ANKS1B: variants seen among roughly 807,000 people sequenced by gnomAD.
ANKS1B encodes ankyrin repeat and sterile alpha motif domain containing 1B.
Under a neutral mutation model 148.3 loss-of-function variants are expected in ANKS1B, and 36 were observed. That is an observed-to-expected ratio of 0.24 (90% CI 0.19 to 0.32). The LOEUF (loss-of-function observed/expected upper bound fraction) is 0.32. Among genes scored for constraint, ANKS1B ranks in the 10% least tolerant of loss-of-function variants. The pLI, the probability that ANKS1B is intolerant of heterozygous loss-of-function variation, is 1.00. For synonymous variants in ANKS1B, 542 were observed against 560.8 expected (o/e 0.97, Z 0.47); for missense variants, 1,157 against 1,542.6 (o/e 0.75, Z 4.19).
chr12:99,825,233 G>C, intron 2 of ANKS1B, 76 bp downstream of exon 2: 10 of 1,237,520 alleles, frequency 8.1e-6, no homozygotes, highest in Non-Finnish European at 1.2e-5. Context: ...ACATGAGAAA[G>C]GTATCGTCAA....
intron 1 of ANKS1B, among the ~76,000 whole-genome samples, chr12:99,918,007 T>A (rs1363966983): frequency 6.6e-6 from 1 of 152,336 alleles, no homozygotes; most frequent in African/African-American, 2.4e-5. Context: ...GGGCTCTAGG[T>A]TGCATGCTCC....
chr12:99,593,203 C>T (rs1456999914), intron 9 of ANKS1B, among the ~76,000 whole-genome samples: 1 of 151,924 alleles, frequency 6.6e-6, no homozygotes, highest in African/African-American at 2.4e-5. Context: ...ATTTGGAGTG[C>T]CCTGGCCAAG....
chr12:99,731,413 C>CCTGTGT (rs1237223581), intron 8 of ANKS1B, among the ~76,000 whole-genome samples: 7,731 of 143,776 alleles, frequency 0.054, 266 homozygotes, highest in Non-Finnish European at 0.058. Flanking sequence ...ACCACCGTGC[C>CCTGTGT]GTGTGTGTGT....
chr12:99,394,533 C>A (rs1462091578), intron 12 of ANKS1B, among the ~76,000 whole-genome samples: 2 of 152,012 alleles, frequency 1.3e-5, no homozygotes, highest in Non-Finnish European at 2.9e-5. Flanking sequence ...GACCCCCCCA[C>A]CCCCAATATT....
chr12:99,443,037 A>C (rs761845826), intron 11 of ANKS1B, among the ~76,000 whole-genome samples: 1 of 151,946 alleles, frequency 6.6e-6, no homozygotes, highest in African/African-American at 2.4e-5. Flanking sequence ...GCTTGTCCCA[A>C]TGATATTTCT....
rs528020238 is a variant in ANKS1B at position 99,553,334 on chromosome 12, T to C, written c.1273-48693A>G. ...TATTTTCCTTAAATGAAAGTTGATATTATTCAATGCAGTAACCAAATATCT... is the reference window on the plus strand; with the variant it reads ...TATTTTCCTTAAATGAAAGTTGATACTATTCAATGCAGTAACCAAATATCT... On this transcript the variant is annotated intron_variant, in intron 9 of 26. Coordinates refer to ENST00000683438, the MANE Select transcript of ANKS1B (RefSeq NM_001352186.2). Among the ~76,000 whole-genome samples the C allele has an allele frequency of 2.6e-5, 4 of 152,356 alleles. No homozygotes were observed. The East Asian group carries it at 7.7e-4, about 29-fold the overall frequency.
At chr12:99,577,511 C>T (rs2097530265) in intron 9 of ANKS1B, among the ~76,000 whole-genome samples, 1 of 151,162 alleles carries the variant, frequency 6.6e-6, no homozygotes, top group Admixed American at 6.6e-5. Flanking sequence ...GAGAGAAGAT[C>T]CAAATAAAAA....
intron 7 of ANKS1B, 115 bp downstream of exon 7, chr12:99,775,433 C>T (rs1202837677): frequency 1.8e-6 from 1 of 552,000 alleles, no homozygotes; most frequent in Non-Finnish European, 3.1e-6. Flanking sequence ...GTAACAGGAG[C>T]TCTTATAAAT....
chr12:99,482,019 T>A (rs111321732), intron 10 of ANKS1B, among the ~76,000 whole-genome samples: 5 of 152,008 alleles, frequency 3.3e-5, no homozygotes, highest in African/African-American at 1.2e-4. Flanking sequence ...TTTGCTATGC[T>A]AAAGTGTTTT....
At chr12:99,175,203 C>G (rs1395248473) in intron 14 of ANKS1B, among the ~76,000 whole-genome samples, 1 of 152,174 alleles carries the variant, frequency 6.6e-6, no homozygotes, top group East Asian at 1.9e-4. Flanking sequence ...ATGCTGAATT[C>G]TACTCAAAGC....
chr12:98,885,252 C>T (rs906543625), intron 17 of ANKS1B, among the ~76,000 whole-genome samples: 2 of 152,028 alleles, frequency 1.3e-5, no homozygotes, highest in African/African-American at 4.8e-5. Context: ...CAACAGTAAC[C>T]ACTCAAGGAA....
At chr12:99,750,333 A>G (rs530880410) in intron 8 of ANKS1B, among the ~76,000 whole-genome samples, 11 of 152,220 alleles carry the variant, frequency 7.2e-5, no homozygotes, top group African/African-American at 2.6e-4. Context: ...ATTGCATTGC[A>G]TAAAGGTCTA....
intron 8 of ANKS1B, among the ~76,000 whole-genome samples, chr12:99,692,594 C>T (rs913336306): frequency 1.3e-5 from 2 of 150,666 alleles, no homozygotes; most frequent in African/African-American, 4.9e-5. Context: ...TTGCTTAAAC[C>T]CAGGAGGCAG....
intron 17 of ANKS1B, among the ~76,000 whole-genome samples, chr12:98,934,775 G>C (rs2099816908): frequency 6.6e-6 from 1 of 151,438 alleles, no homozygotes; most frequent in African/African-American, 2.4e-5. Flanking sequence ...TTCATTGTTA[G>C]TGTATAGAAA....
At chr12:99,087,105 C>T (rs1424145403) in intron 15 of ANKS1B, among the ~76,000 whole-genome samples, 1 of 152,204 alleles carries the variant, frequency 6.6e-6, no homozygotes, top group Non-Finnish European at 1.5e-5. Flanking sequence ...AAATTCAAGG[C>T]TTGGGCAGTG....
chr12:98,919,876 AG>A (rs1363068314), intron 17 of ANKS1B, among the ~76,000 whole-genome samples: 2 of 152,194 alleles, frequency 1.3e-5, no homozygotes, highest in Non-Finnish European at 2.9e-5. Context: ...AGCAAAAGGC[AG>A]GGGGATACTC....
At chr12:99,004,582 G>C (rs1418451219) in intron 17 of ANKS1B, among the ~76,000 whole-genome samples, 1 of 151,250 alleles carries the variant, frequency 6.6e-6, no homozygotes, top group Non-Finnish European at 1.5e-5. Context: ...TTCTGTTTGA[G>C]AAAAATGAGA....
intron 17 of ANKS1B, among the ~76,000 whole-genome samples, chr12:98,868,981 C>T (rs1005688701): frequency 2.0e-5 from 3 of 152,108 alleles, no homozygotes; most frequent in Non-Finnish European, 2.9e-5. Context: ...AAAAAAACCA[C>T]GAAGGATCTG....
intron 17 of ANKS1B, among the ~76,000 whole-genome samples, chr12:98,901,360 A>G (rs2099771733): frequency 6.6e-6 from 1 of 152,212 alleles, no homozygotes. Flanking sequence ...ATTATGAACG[A>G]GAAAGTCTGA....
Sources: gnomAD v4.1 joint callset for allele counts (sites outside exome capture counted in the v4.1 genomes callset) on GRCh38, gnomAD v4.1.1 for gene constraint, MANE v1.5 for transcripts, NCBI Gene and HGNC (gene_info 2026-07-23, HGNC 2026-07-21) for gene names.